KCNQ3: variants seen among roughly 807,000 people sequenced by gnomAD.
KCNQ3 encodes potassium voltage-gated channel subfamily KQT member 3.
In KCNQ3, 30 loss-of-function variants were observed where a neutral mutation model predicts 92.5. The observed-to-expected ratio is 0.32, with a 90% CI of 0.24 to 0.44. KCNQ3 has a LOEUF of 0.44. Among genes scored for constraint, KCNQ3 ranks in the 20% least tolerant of loss-of-function variants. The pLI is 1.00. For missense variants in KCNQ3, 913 were observed against 1,140.3 expected (o/e 0.80, Z 2.87); for synonymous variants, 450 against 468.8 (o/e 0.96, Z 0.52).
chr8:132,390,136 T>A (rs1275883878), intron 1 of KCNQ3, among the ~76,000 whole-genome samples: 1 of 152,156 alleles, frequency 6.6e-6, no homozygotes, highest in Non-Finnish European at 1.5e-5. Context: ...ACGTAAGACT[T>A]AGTGGAAAAA....
chr8:132,168,307 AAAG>A (rs1826199421), intron 8 of KCNQ3, among the ~76,000 whole-genome samples: 1 of 152,200 alleles, frequency 6.6e-6, no homozygotes, highest in South Asian at 2.1e-4. Context: ...ATCTTCCTGA[AAAG>A]TAGATCTACT....
intron 1 of KCNQ3, among the ~76,000 whole-genome samples, chr8:132,268,160 A>C (rs961616199): frequency 1.3e-5 from 2 of 152,164 alleles, no homozygotes; most frequent in African/African-American, 4.8e-5. Context: ...TCTCTTCTAG[A>C]ATGTCATATA....
intron 1 of KCNQ3, among the ~76,000 whole-genome samples, chr8:132,459,658 G>A (rs556112757): frequency 6.6e-6 from 1 of 151,792 alleles, no homozygotes; most frequent in Non-Finnish European, 1.5e-5. Context: ...TAGTTTGAGG[G>A]TACAAATATC....
rs528778980 is a variant in KCNQ3 at position 132,431,253 on chromosome 8, C to G, written c.386+48894G>C. ...TGGACCATTCCCATGTGTCACTAGC[C>G]GGGGAGAGGATCTCCCTTCCCTCCT... On this transcript the variant is annotated intron_variant, in intron 1 of 14. Transcript: ENST00000388996. 1.3e-4 allele frequency among the ~76,000 whole-genome samples: 20 copies of G among 152,260 alleles called. No individual in the cohort carries two copies. The South Asian group carries it at 3.3e-3, about 25-fold the overall frequency.
At chr8:132,241,281 A>T (rs976075138) in intron 1 of KCNQ3, among the ~76,000 whole-genome samples, 1 of 152,212 alleles carries the variant, frequency 6.6e-6, no homozygotes, top group Non-Finnish European at 1.5e-5. Flanking sequence ...CATAGCTGGA[A>T]AATTGTCAGA....
At chr8:132,346,553 TTGCCA>T (rs1301038708) in intron 1 of KCNQ3, among the ~76,000 whole-genome samples, 1 of 152,214 alleles carries the variant, frequency 6.6e-6, no homozygotes, top group African/African-American at 2.4e-5. Flanking sequence ...AAAGCTTGCC[TTGCCA>T]TTTCTTTGCC....
Position 132,175,516 on chromosome 8 carries a change from A to G in KCNQ3, c.870T>C (p.Asp290=). 1 of 1,614,206 alleles carries G rather than the reference A, an allele frequency of 6.2e-7. No individual in the cohort carries two copies. Among genetic ancestry groups the G allele is most frequent in the Non-Finnish European group, 8.5e-7 (1 of 1,180,026 alleles). ...CCTCTTTCATCTCCTCTCCTTGTGC[A>G]TCCACCTCTGGGACGTCTTTCTCAA... The part of the protein sequence containing the change: ...YLVEKDVPEV[D]AQGEEMKEEF... Residue 290 remains aspartate (D), a synonymous_variant, in exon 5 of 15, where the codon GAT becomes GAC. Coordinates refer to ENST00000388996, the MANE Select transcript of KCNQ3 (RefSeq NM_004519.4).
At chr8:132,135,861 G>C (rs1231819420) in intron 12 of KCNQ3, among the ~76,000 whole-genome samples, 1 of 152,056 alleles carries the variant, frequency 6.6e-6, no homozygotes, top group Non-Finnish European at 1.5e-5. Context: ...GGGTGCAGTG[G>C]CTGACGCCTG....
intron 9 of KCNQ3, among the ~76,000 whole-genome samples, chr8:132,146,487 G>C (rs1416002224): frequency 6.6e-6 from 1 of 152,208 alleles, no homozygotes; most frequent in South Asian, 2.1e-4. Context: ...TGGGAGCATG[G>C]AACAGGGGAG....
chr8:132,128,093 G>A lies in KCNQ3; in HGVS notation c.*1169C>T, dbSNP rs949584712. The A allele has an allele frequency of 6.6e-6, 1 of 152,176 alleles. No homozygotes were observed. The highest frequency in any genetic ancestry group is 1.5e-5 in the Non-Finnish European group (1 of 68,036). The allele number at this position is 152,176 out of a possible 1,614,324, so 9.4% of individuals were successfully genotyped here. On this transcript the variant is annotated 3_prime_UTR_variant, in exon 15 of 15. Coordinates refer to ENST00000388996, the MANE Select transcript of KCNQ3 (RefSeq NM_004519.4). ...ATCCCCCTCCTGCTGGATAAACTGG[G>A]TGCTTTCCACGCGACACAAAGTCAT...
At chr8:132,215,274 C>T (rs17654749) in intron 1 of KCNQ3, among the ~76,000 whole-genome samples, 6,174 of 152,166 alleles carry the variant, frequency 0.041, 191 homozygotes, top group South Asian at 0.063. Context: ...TACATGGGTG[C>T]CCTGAGATTA....
chr8:132,182,229 T>C (rs1311907703), intron 3 of KCNQ3, among the ~76,000 whole-genome samples: 1 of 152,182 alleles, frequency 6.6e-6, no homozygotes, highest in Admixed American at 6.5e-5. Flanking sequence ...CCTATCTATC[T>C]GTAATGCTTG....
intron 4 of KCNQ3, among the ~76,000 whole-genome samples, chr8:132,176,657 T>C (rs1196411544): frequency 6.6e-6 from 1 of 152,138 alleles, no homozygotes; most frequent in Non-Finnish European, 1.5e-5. Context: ...CTCACATGGG[T>C]CCTGCAGTCT....
chr8:132,184,355 T>C lies in KCNQ3; in HGVS notation c.490A>G (p.Ile164Val), dbSNP rs1826890238. 1 of 1,613,960 alleles carries C rather than the reference T, an allele frequency of 6.2e-7. No individual in the cohort carries two copies. The highest frequency in any genetic ancestry group is 8.5e-7 in the Non-Finnish European group (1 of 1,179,990). The change falls in exon 3 of 15, where the codon ATT (isoleucine) becomes GTT (valine). Residue 164 changes from isoleucine (I) to valine (V), a missense_variant. By Grantham distance (29) the Ile-to-Val change is conservative. Transcript: ENST00000388996. ...DWLLLLETFA[I>V]FIFGAEFALR... is the part of the protein sequence containing the mutation. ...GCAAACTCGGCTCCAAAGATGAAAATAGCAAATGTCTCCTGCATGGAAGAG... is the reference window on the plus strand; with the variant it reads ...GCAAACTCGGCTCCAAAGATGAAAACAGCAAATGTCTCCTGCATGGAAGAG...
At position 132,333,631 on chromosome 8, in the gene KCNQ3, T is replaced by C. The variant is rs1340039517; in HGVS notation, c.386+146516A>G. ...TATGGATTTTGTATATTTGGGGTGG[T>C]TGCATGATACTACATATTCTCTTGT... On this transcript the variant is annotated intron_variant, in intron 1 of 14. Transcript: ENST00000388996. 3.3e-5 allele frequency among the ~76,000 whole-genome samples: 5 copies of C among 152,208 alleles called. No homozygotes were observed. The East Asian group carries it at 9.6e-4, about 29-fold the overall frequency.
chr8:132,471,190 T>C (rs1455273652), intron 1 of KCNQ3, among the ~76,000 whole-genome samples: 1 of 152,164 alleles, frequency 6.6e-6, no homozygotes, highest in East Asian at 1.9e-4. Context: ...ATCAAGTTCC[T>C]GACCCAGGAG....
intron 1 of KCNQ3, among the ~76,000 whole-genome samples, chr8:132,399,038 C>G (rs77905181): frequency 1.3e-5 from 2 of 152,182 alleles, no homozygotes; most frequent in South Asian, 4.1e-4. Context: ...AGACAGGCAT[C>G]GTAAAAGTCC....
intron 9 of KCNQ3, among the ~76,000 whole-genome samples, chr8:132,160,362 T>G (rs556508545): frequency 3.6e-4 from 54 of 151,548 alleles, no homozygotes; most frequent in African/African-American, 1.2e-3. Context: ...TTGACTTAGT[T>G]GTAAGTTATG....
intron 14 of KCNQ3, 129 bp downstream of exon 14, chr8:132,132,051 G>A (rs1824899304): frequency 4.3e-6 from 3 of 696,142 alleles, no homozygotes; most frequent in Non-Finnish European, 7.6e-6. Flanking sequence ...TCGCGCCATT[G>A]CACTCCAGCC....
Sources: gnomAD v4.1 joint callset for allele counts (sites outside exome capture counted in the v4.1 genomes callset) on GRCh38, gnomAD v4.1.1 for gene constraint, MANE v1.5 for transcripts, NCBI Gene and HGNC (gene_info 2026-07-23, HGNC 2026-07-21) for gene names.